Variants in BNC2 observed in about 807,000 individuals in gnomAD.
BNC2 encodes zinc finger protein basonuclin-2.
A neutral mutation model predicts 76.3 loss-of-function variants in BNC2; 20 were observed. The ratio of observed to expected loss-of-function variants is 0.26; its 90% CI spans 0.18 to 0.38. BNC2 has a LOEUF of 0.38. Ranked by LOEUF, BNC2 falls within the 10% of genes least tolerant of loss-of-function variation. BNC2 has a pLI of 1.00. For synonymous variants in BNC2, 582 were observed against 514.8 expected (o/e 1.13, Z -1.77); for missense variants, 1,382 against 1,399.8 (o/e 0.99, Z 0.20).
rs554060880 is a variant in BNC2, at chr9:16,698,503, C to T, written c.330+29294G>A. ...GTCAGGAGTTAGAGATCAGCCTGAC[C>T]AACATGGAGAAACCCCATCTCTACT... On this transcript the variant is annotated intron_variant, in intron 3 of 6. Coordinates refer to ENST00000380672, the MANE Select transcript of BNC2 (RefSeq NM_017637.6). Among the ~76,000 whole-genome samples the T allele has an allele frequency of 5.3e-5, 8 of 152,168 alleles. No individual in the cohort carries two copies. In the South Asian group the frequency reaches 1.7e-3, roughly 32 times the overall value.
rs28401329 is a variant in BNC2, at chr9:16,557,358, G to T, written c.434-4593C>A. On this transcript the variant is annotated intron_variant, in intron 4 of 6. Transcript: ENST00000380672. ...TACTAAAAACACAAAAATAAGCCGG[G>T]CATGGTGGCACACGCCTGTAGTCCC... 8.9e-3 allele frequency among the ~76,000 whole-genome samples: 1,347 copies of T among 152,098 alleles called. 19 individuals carry two copies. Among genetic ancestry groups the T allele is most frequent in the African/African-American group, 0.03 (1,248 of 41,484 alleles).
At chr9:16,494,238 C>T (rs1173686750) in intron 5 of BNC2, among the ~76,000 whole-genome samples, 1 of 152,122 alleles carries the variant, frequency 6.6e-6, no homozygotes, top group South Asian at 2.1e-4. Flanking sequence ...CTGCAAACTA[C>T]ACCTCCCAGA....
chr9:16,629,306 G>C (rs900027003), intron 3 of BNC2, among the ~76,000 whole-genome samples: 1 of 152,068 alleles, frequency 6.6e-6, no homozygotes, highest in South Asian at 2.1e-4. Flanking sequence ...AATAATTTTC[G>C]TTTTGAATGA....
Position 16,413,109 on chromosome 9 carries a change from G to A in BNC2, c.*5880C>T, listed in dbSNP as rs1177470173. On this transcript the variant is annotated 3_prime_UTR_variant, in exon 7 of 7. Transcript: ENST00000380672. ...CTGAAGCTTCTTGCTGCTCAGCCCT[G>A]GCTTTTTTCTTTCCTCTTTTGTAAT... 1 of 152,548 alleles carries A rather than the reference G, an allele frequency of 6.6e-6. No homozygotes were observed. The highest frequency in any genetic ancestry group is 2.4e-5 in the African/African-American group (1 of 41,430). The allele number at this position is 152,548 out of a possible 1,614,324, so 9.4% of individuals were successfully genotyped here.
chr9:16,550,512 C>A (rs950582275), intron 5 of BNC2, among the ~76,000 whole-genome samples: 3 of 152,162 alleles, frequency 2.0e-5, no homozygotes, highest in Non-Finnish European at 4.4e-5. Flanking sequence ...CTGGCCAAGG[C>A]AGAACAATAG....
At chr9:16,780,235 CAAAAAAAA>C (rs372583425) in intron 1 of BNC2, among the ~76,000 whole-genome samples, 83 of 66,318 alleles carry the variant, frequency 1.3e-3, no homozygotes, top group Admixed American at 5.1e-3. Flanking sequence ...GACTTCGTTT[CAAAAAAAA>C]AAAAAAAAAA....
At chr9:16,613,545 T>C (rs1484993193) in intron 3 of BNC2, among the ~76,000 whole-genome samples, 1 of 152,196 alleles carries the variant, frequency 6.6e-6, no homozygotes, top group Non-Finnish European at 1.5e-5. Flanking sequence ...CCAACACCTG[T>C]ACCTTTTCTG....
At chr9:16,799,311 TTTTA>T (rs954635101) in intron 1 of BNC2, among the ~76,000 whole-genome samples, 8 of 152,034 alleles carry the variant, frequency 5.3e-5, no homozygotes, top group African/African-American at 1.4e-4. Flanking sequence ...TTACTTTCTA[TTTTA>T]TTTATTTATT....
At chr9:16,539,420 C>T (rs898691341) in intron 5 of BNC2, among the ~76,000 whole-genome samples, 1 of 150,682 alleles carries the variant, frequency 6.6e-6, no homozygotes, top group East Asian at 2.0e-4. Context: ...CACAGCTGCT[C>T]GGGAGGCTGA....
chr9:16,601,167 A>G (rs1820233676), intron 3 of BNC2, among the ~76,000 whole-genome samples: 2 of 152,186 alleles, frequency 1.3e-5, no homozygotes, highest in African/African-American at 4.8e-5. Context: ...TAAATATAAA[A>G]AAGAACAGGT....
At chr9:16,793,883 T>TC (rs71327861) in intron 1 of BNC2, among the ~76,000 whole-genome samples, 4 of 145,108 alleles carry the variant, frequency 2.8e-5, no homozygotes, top group Non-Finnish European at 6.0e-5. Context: ...TTTTTTTTTT[T>TC]AGTAGAGACG....
intron 1 of BNC2, among the ~76,000 whole-genome samples, chr9:16,800,915 T>C (rs1817764710): frequency 6.6e-6 from 1 of 152,230 alleles, no homozygotes; most frequent in South Asian, 2.1e-4. Flanking sequence ...ATCAGGCAAC[T>C]ACGTGTTTTA....
At chr9:16,866,626 C>G (rs960948214) in intron 1 of BNC2, among the ~76,000 whole-genome samples, 1 of 141,450 alleles carries the variant, frequency 7.1e-6, no homozygotes, top group Non-Finnish European at 1.5e-5. Flanking sequence ...GACGCCTTGA[C>G]TGTTCTTGTA....
intron 1 of BNC2, among the ~76,000 whole-genome samples, chr9:16,777,577 TGTAGTCCCAGCTACTCGGGAG>T (rs1826003387): frequency 6.6e-6 from 1 of 151,716 alleles, no homozygotes; most frequent in Non-Finnish European, 1.5e-5. Flanking sequence ...GGCGGGTGCC[TGTAGTCCCAGCTACTCGGGAG>T]GCTGAGGCAA....
rs752439038 is a variant in BNC2 at position 16,419,166 on chromosome 9, G to A, written c.3123C>T (p.His1041=). Reference sequence around the variant, plus strand: ...GGGTCCCCTTGTTGCTGTACATTTTGTGGCAAATGTTGCACATGATCCCAC... The same window carrying A: ...GGGTCCCCTTGTTGCTGTACATTTTATGGCAAATGTTGCACATGATCCCAC... ...SNGGIMCNIC[H]KMYSNKGTLR... The change falls in exon 7 of 7, where the codon CAC becomes CAT. Residue 1041 remains histidine, a synonymous_variant. Transcript: ENST00000380672. The A allele has an allele frequency of 2.5e-6, 4 of 1,614,162 alleles. No homozygotes were observed. Among genetic ancestry groups the A allele is most frequent in the African/African-American group, 1.3e-5 (1 of 75,044 alleles).
intron 6 of BNC2, among the ~76,000 whole-genome samples, chr9:16,425,476 C>G (rs1410736784): frequency 1.3e-5 from 2 of 152,104 alleles, no homozygotes; most frequent in African/African-American, 2.4e-5. Context: ...CAACAAGGGG[C>G]GATTCTCCTG....
Position 16,705,617 on chromosome 9 carries a change from G to A in BNC2, c.330+22180C>T, listed in dbSNP as rs59286061. Among the ~76,000 whole-genome samples the A allele has an allele frequency of 8.6e-3, 1,310 of 151,950 alleles. 31 individuals carry two copies. The highest frequency in any genetic ancestry group is 0.029 in the African/African-American group (1,217 of 41,480). ...TTGAAAGTCTTCTGTTTAAATGTAG[G>A]GATGCTTTTTCCTCGAGTTGTATGA... On this transcript the variant is annotated intron_variant, in intron 3 of 6. Coordinates refer to ENST00000380672, the MANE Select transcript of BNC2 (RefSeq NM_017637.6).
chr9:16,679,693 T>C (rs1352291553), intron 3 of BNC2, among the ~76,000 whole-genome samples: 1 of 152,152 alleles, frequency 6.6e-6, no homozygotes, highest in Non-Finnish European at 1.5e-5. Flanking sequence ...GACACCTCCA[T>C]TGCTTAGCAC....
intron 1 of BNC2, among the ~76,000 whole-genome samples, chr9:16,862,947 C>T (rs2136217031): frequency 6.7e-6 from 1 of 150,098 alleles, no homozygotes; most frequent in Middle Eastern, 3.5e-3. Flanking sequence ...CAAAGTCTTG[C>T]TCTGTCGCTC....
Sources: allele counts gnomAD v4.1 joint callset (sites outside exome capture counted in the v4.1 genomes callset), GRCh38; gene constraint gnomAD v4.1.1; transcripts MANE v1.5; gene names NCBI Gene and HGNC (gene_info 2026-07-23, HGNC 2026-07-21).